C8orf34: variants seen among roughly 807,000 people sequenced by gnomAD.
The protein encoded by C8orf34 is chromosome 8 open reading frame 34.
C8orf34 carries 65 observed loss-of-function variants against 68.3 expected under a neutral mutation model. The ratio of observed to expected loss-of-function variants is 0.95; its 90% CI spans 0.78 to 1.17. The LOEUF (loss-of-function observed/expected upper bound fraction) is 1.17, where lower values mean the gene tolerates loss of function less well. Among genes scored for constraint, C8orf34 ranks in the 50% most tolerant of loss-of-function variants. The pLI, the probability that C8orf34 is intolerant of heterozygous loss-of-function variation, is 0.00. For missense variants in C8orf34, 664 were observed against 655.4 expected (o/e 1.01, Z -0.14); for synonymous variants, 244 against 241.2 (o/e 1.01, Z -0.11).
chr8:68,505,512 A>G (rs1475654643), intron 5 of C8orf34, among the ~76,000 whole-genome samples: 1 of 136,764 alleles, frequency 7.3e-6, no homozygotes, highest in Non-Finnish European at 1.5e-5. Context: ...CGGGTGGATC[A>G]TGAGGTCAGG....
intron 1 of C8orf34, among the ~76,000 whole-genome samples, chr8:68,402,144 G>A (rs117578649): frequency 0.021 from 3,159 of 152,106 alleles, 52 homozygotes; most frequent in Middle Eastern, 0.037. Flanking sequence ...TGGGATGTAC[G>A]TTTCCAGGAA....
intron 5 of C8orf34, among the ~76,000 whole-genome samples, chr8:68,511,833 A>G (rs1372028308): frequency 6.6e-6 from 1 of 152,202 alleles, no homozygotes; most frequent in South Asian, 2.1e-4. Flanking sequence ...AAGGCTGTAA[A>G]TAGTTCAAAA....
chr8:68,525,153 G>A (rs528392472), intron 6 of C8orf34, among the ~76,000 whole-genome samples: 6 of 152,024 alleles, frequency 3.9e-5, no homozygotes, highest in Non-Finnish European at 8.8e-5. Context: ...AATAAAACCT[G>A]GAAATGGTCC....
chr8:68,386,088 A>G (rs1164102589), intron 1 of C8orf34, among the ~76,000 whole-genome samples: 1 of 152,080 alleles, frequency 6.6e-6, no homozygotes, highest in African/African-American at 2.4e-5. Flanking sequence ...TTGACTTTCT[A>G]TAGAGATGAG....
chr8:68,637,116 C>G (rs1179057022), intron 7 of C8orf34, among the ~76,000 whole-genome samples: 1 of 152,156 alleles, frequency 6.6e-6, no homozygotes, highest in Non-Finnish European at 1.5e-5. Flanking sequence ...CATATACCAC[C>G]ATGACTAGTG....
intron 10 of C8orf34, among the ~76,000 whole-genome samples, chr8:68,741,626 C>A (rs1822297339): frequency 6.6e-6 from 1 of 152,134 alleles, no homozygotes; most frequent in Non-Finnish European, 1.5e-5. Context: ...CCCATACTAA[C>A]TTTCCTAGCC....
intron 1 of C8orf34, among the ~76,000 whole-genome samples, chr8:68,382,934 C>G (rs946852948): frequency 6.6e-6 from 1 of 152,152 alleles, no homozygotes; most frequent in African/African-American, 2.4e-5. Context: ...CAGTTTCATC[C>G]TCCTGGGAGA....
intron 3 of C8orf34, among the ~76,000 whole-genome samples, chr8:68,467,482 C>T (rs1489053500): frequency 6.6e-6 from 1 of 151,806 alleles, no homozygotes; most frequent in South Asian, 2.1e-4. Flanking sequence ...TTCTGTAGCC[C>T]TCTGTCCTCT....
intron 10 of C8orf34, among the ~76,000 whole-genome samples, chr8:68,764,227 T>C (rs1328881680): frequency 6.6e-6 from 1 of 152,176 alleles, no homozygotes; most frequent in East Asian, 1.9e-4. Context: ...ACCTGCTGCT[T>C]TCTTTTTTCT....
At chr8:68,608,241 T>C (rs1817913412) in intron 7 of C8orf34, among the ~76,000 whole-genome samples, 1 of 152,000 alleles carries the variant, frequency 6.6e-6, no homozygotes, top group Admixed American at 6.6e-5. Flanking sequence ...AATAGAAACA[T>C]TGAGAAAATT....
chr8:68,675,300 C>T (rs929674402), intron 8 of C8orf34, among the ~76,000 whole-genome samples: 1 of 152,040 alleles, frequency 6.6e-6, no homozygotes, highest in Non-Finnish European at 1.5e-5. Context: ...GGTTTGTAAA[C>T]TATTCATATC....
At chr8:68,475,924 A>C (rs1812596301) in intron 4 of C8orf34, among the ~76,000 whole-genome samples, 1 of 152,154 alleles carries the variant, frequency 6.6e-6, no homozygotes, top group African/African-American at 2.4e-5. Context: ...TTTCCAAGGA[A>C]AAGAGAGCCC....
chr8:68,445,465 T>C (rs145347135), intron 2 of C8orf34, among the ~76,000 whole-genome samples: 1 of 152,314 alleles, frequency 6.6e-6, no homozygotes, highest in African/African-American at 2.4e-5. Context: ...TATAAAAACA[T>C]GAAATTCTTG....
chr8:68,331,456 G>C (rs1050942479), intron 1 of C8orf34, 117 bp downstream of exon 1: 1 of 1,120,110 alleles, frequency 8.9e-7, no homozygotes, highest in South Asian at 1.3e-5. Context: ...GAACCAACGC[G>C]CGGGAGAGGG....
rs555258985 is a variant in C8orf34 at position 68,713,102 on chromosome 8, A to T, written c.1327+4023A>T. Among the ~76,000 whole-genome samples the T allele has an allele frequency of 3.3e-5, 5 of 152,284 alleles. No homozygotes were observed. The East Asian group carries it at 9.6e-4, about 29-fold the overall frequency. The stretch of plus-strand genomic sequence containing the variant: ...GGTCAACAAGGAAATCAAGATGGAA[A>T]TTAAAAAGTTCTTTGAACTGAACGA... On this transcript the variant is annotated intron_variant, in intron 9 of 13. Transcript: ENST00000518698.
intron 3 of C8orf34, chr8:68,447,382 C>A (rs1563446752): frequency 6.6e-6 from 1 of 152,096 alleles, no homozygotes; most frequent in Non-Finnish European, 1.5e-5. Flanking sequence ...CCTAAGTATC[C>A]CTTCTCTCTC....
At chr8:68,579,207 T>C (rs1205628117) in intron 7 of C8orf34, among the ~76,000 whole-genome samples, 1 of 152,094 alleles carries the variant, frequency 6.6e-6, no homozygotes, top group East Asian at 1.9e-4. Context: ...CATCTTGACA[T>C]AAGTGAGAGA....
chr8:68,689,444 G>A (rs1820623528), intron 8 of C8orf34, among the ~76,000 whole-genome samples: 1 of 152,036 alleles, frequency 6.6e-6, no homozygotes, highest in East Asian at 1.9e-4. Context: ...AAAAAATTAA[G>A]TAGCAGAGCC....
chr8:68,415,261 C>T (rs969347846), intron 1 of C8orf34, among the ~76,000 whole-genome samples: 3 of 152,106 alleles, frequency 2.0e-5, no homozygotes, highest in African/African-American at 7.2e-5. Flanking sequence ...GGGTGGATCA[C>T]CTGAGGTCAG....
Sources: allele counts gnomAD v4.1 joint callset (sites outside exome capture counted in the v4.1 genomes callset), GRCh38; gene constraint gnomAD v4.1.1; transcripts MANE v1.5; gene names NCBI Gene and HGNC (gene_info 2026-07-23, HGNC 2026-07-21).